Variants in RCAN2 observed in about 807,000 individuals in gnomAD.
RCAN2 encodes calcipressin-2.
In RCAN2, 9 loss-of-function variants were observed where a neutral mutation model predicts 23.6. That is an observed-to-expected ratio of 0.38 (90% CI 0.23 to 0.67). The LOEUF is 0.67. RCAN2 is among the 30% of genes least tolerant of loss of function. The pLI is 0.51. For synonymous variants in RCAN2, 109 were observed against 115.7 expected, an observed-to-expected ratio of 0.94 and a Z score of 0.37; for missense variants, 273 against 302.3, an observed-to-expected ratio of 0.90 and a Z score of 0.72.
At chr6:46,439,355 G>A (rs565907369) in intron 2 of RCAN2, among the ~76,000 whole-genome samples, 1 of 152,162 alleles carries the variant, frequency 6.6e-6, no homozygotes, top group Non-Finnish European at 1.5e-5. Flanking sequence ...CAGTTCAAAA[G>A]CTCCAAAAGG....
chr6:46,379,882 G>C (rs987180339), intron 2 of RCAN2, among the ~76,000 whole-genome samples: 1 of 152,130 alleles, frequency 6.6e-6, no homozygotes, highest in African/African-American at 2.4e-5. Context: ...CACTGGGAAG[G>C]ATGGCTCAAT....
At chr6:46,430,784 T>C (rs1767173080) in intron 2 of RCAN2, among the ~76,000 whole-genome samples, 1 of 152,126 alleles carries the variant, frequency 6.6e-6, no homozygotes, top group South Asian at 2.1e-4. Flanking sequence ...AGCACATGTG[T>C]ATCAAGAATA....
intron 2 of RCAN2, among the ~76,000 whole-genome samples, chr6:46,402,333 G>A (rs188815961): frequency 7.0e-4 from 106 of 152,118 alleles, no homozygotes; most frequent in Non-Finnish European, 1.2e-3. Context: ...ATGATACCCC[G>A]AAGGGAAGGC....
intron 2 of RCAN2, among the ~76,000 whole-genome samples, chr6:46,347,635 T>A (rs1438696771): frequency 6.6e-6 from 1 of 152,218 alleles, no homozygotes; most frequent in Non-Finnish European, 1.5e-5. Context: ...GTTACCTTGT[T>A]TTTTAAAATA....
intron 4 of RCAN2, among the ~76,000 whole-genome samples, chr6:46,229,144 T>A (rs1336417549): frequency 6.6e-6 from 1 of 152,224 alleles, no homozygotes; most frequent in Non-Finnish European, 1.5e-5. Flanking sequence ...GATCAGCTGT[T>A]AGTCTGGTGG....
chr6:46,323,939 G>C (rs1325787394), intron 2 of RCAN2, among the ~76,000 whole-genome samples: 1 of 152,090 alleles, frequency 6.6e-6, no homozygotes, highest in East Asian at 1.9e-4. Context: ...ACATTCTCAG[G>C]GCAAGTGTGT....
intron 2 of RCAN2, among the ~76,000 whole-genome samples, chr6:46,337,794 G>C (rs1764190148): frequency 6.6e-6 from 1 of 152,186 alleles, no homozygotes; most frequent in Non-Finnish European, 1.5e-5. Flanking sequence ...CTGATTCCCA[G>C]GACAGCTGCC....
chr6:46,424,145 G>A (rs1008411271), intron 2 of RCAN2, among the ~76,000 whole-genome samples: 6 of 152,186 alleles, frequency 3.9e-5, no homozygotes, highest in South Asian at 2.1e-4. Context: ...ATAACTGCTC[G>A]TACTTACATA....
chr6:46,446,672 T>C (rs1299464640), intron 2 of RCAN2, among the ~76,000 whole-genome samples: 1 of 152,076 alleles, frequency 6.6e-6, no homozygotes, highest in Non-Finnish European at 1.5e-5. Flanking sequence ...ATACATAATA[T>C]AAAACATGTA....
At chr6:46,233,721 C>CTTTTTTTTTTTTTTTTTTTTT (rs1240948992) in intron 4 of RCAN2, among the ~76,000 whole-genome samples, 4 of 130,772 alleles carry the variant, frequency 3.1e-5, no homozygotes, top group Non-Finnish European at 3.2e-5. Flanking sequence ...AAGAACACTT[C>CTTTTTTTTTTTTTTTTTTTTT]TTTTTTTTTT....
At chr6:46,481,098 C>T (rs971868740) in intron 1 of RCAN2, among the ~76,000 whole-genome samples, 1 of 152,156 alleles carries the variant, frequency 6.6e-6, no homozygotes, top group African/African-American at 2.4e-5. Context: ...ATGAGTGTAG[C>T]AGGGGCCATG....
chr6:46,302,451 T>A (rs1290377059), intron 2 of RCAN2, among the ~76,000 whole-genome samples: 1 of 152,088 alleles, frequency 6.6e-6, no homozygotes, highest in East Asian at 1.9e-4. Flanking sequence ...GTGACCCTGA[T>A]TTCTGCCATT....
intron 2 of RCAN2, among the ~76,000 whole-genome samples, chr6:46,285,566 G>A (rs1033392491): frequency 6.6e-6 from 1 of 152,170 alleles, no homozygotes; most frequent in African/African-American, 2.4e-5. Context: ...TGACCAACAA[G>A]CATTTCTTGG....
chr6:46,246,617 C>T, intron 4 of RCAN2, 131 bp downstream of exon 4: 1 of 757,904 alleles, frequency 1.3e-6, no homozygotes, highest in Non-Finnish European at 2.1e-6. Flanking sequence ...CTCTCATTGT[C>T]CACACAGAGG....
At chr6:46,295,140 G>A (rs1762683441) in intron 2 of RCAN2, among the ~76,000 whole-genome samples, 1 of 152,086 alleles carries the variant, frequency 6.6e-6, no homozygotes. Flanking sequence ...GGATCTTGGG[G>A]GAGAAGTTGA....
chr6:46,415,692 T>A (rs1766692992), intron 2 of RCAN2, among the ~76,000 whole-genome samples: 1 of 152,054 alleles, frequency 6.6e-6, no homozygotes, highest in Non-Finnish European at 1.5e-5. Flanking sequence ...TGGCACCCAA[T>A]GACTTTTAAA....
intron 2 of RCAN2, among the ~76,000 whole-genome samples, chr6:46,372,838 G>T (rs1377330154): frequency 6.6e-6 from 1 of 152,140 alleles, no homozygotes; most frequent in East Asian, 1.9e-4. Context: ...GTAAAATAAG[G>T]AAAATAGTAT....
chr6:46,460,292 C>T (rs1004042552), intron 1 of RCAN2, among the ~76,000 whole-genome samples: 11 of 152,134 alleles, frequency 7.2e-5, no homozygotes, highest in African/African-American at 2.7e-4. Context: ...CAACTCCTAG[C>T]CTCAAATAGT....
At chr6:46,424,588 C>T (rs1766983699) in intron 2 of RCAN2, among the ~76,000 whole-genome samples, 1 of 152,088 alleles carries the variant, frequency 6.6e-6, no homozygotes, top group South Asian at 2.1e-4. Context: ...GTTGACCCCT[C>T]TATACCGAAC....
Sources: allele counts gnomAD v4.1 joint callset (sites outside exome capture counted in the v4.1 genomes callset), GRCh38; gene constraint gnomAD v4.1.1; transcripts MANE v1.5; gene names NCBI Gene and HGNC (gene_info 2026-07-23, HGNC 2026-07-21).